Variants in ZNF804A observed in about 807,000 individuals in gnomAD.
ZNF804A encodes the protein zinc finger protein 804A.
In ZNF804A, 2 loss-of-function variants were observed where a neutral mutation model predicts 16.5. The ratio of observed to expected loss-of-function variants is 0.12; its 90% confidence interval spans 0.05 to 0.38. The LOEUF is 0.38. ZNF804A is among the 10% of genes least tolerant of loss of function. The pLI, the probability that ZNF804A is intolerant of heterozygous loss-of-function variation, is 0.99. For missense variants in ZNF804A, 1,473 were observed against 1,390.7 expected, an observed-to-expected ratio of 1.06 and a Z score of -0.94; for synonymous variants, 534 against 489.6, an observed-to-expected ratio of 1.09 and a Z score of -1.20.
intron 1 of ZNF804A, among the ~76,000 whole-genome samples, chr2:184,692,250 T>C (rs138391647): frequency 1.9e-4 from 29 of 152,302 alleles, no homozygotes; most frequent in Non-Finnish European, 4.1e-4. Context: ...ACACACTGAT[T>C]CAGCACTTAG....
chr2:184,651,124 C>T lies in ZNF804A; in HGVS notation c.111+52054C>T, dbSNP rs1691976804. Among the ~76,000 whole-genome samples, 3 of 151,822 alleles carry T rather than the reference C, an allele frequency of 2.0e-5. No homozygotes were observed. The South Asian group carries it at 6.2e-4, about 31-fold the overall frequency. On this transcript the variant is annotated intron_variant, in intron 1 of 3. Coordinates refer to ENST00000302277, the MANE Select transcript of ZNF804A (RefSeq NM_194250.2). ...TAGACCAATGGAATACAATAGAGAACACAGAAAAAAAGCCATACACCTACA... is the reference window on the plus strand; with the variant it reads ...TAGACCAATGGAATACAATAGAGAATACAGAAAAAAAGCCATACACCTACA...
chr2:184,930,180 A>G (rs1001281923), intron 2 of ZNF804A, among the ~76,000 whole-genome samples: 14 of 152,202 alleles, frequency 9.2e-5, no homozygotes, highest in African/African-American at 3.1e-4. Flanking sequence ...TTTAAGAAAT[A>G]AAAGTGACCA....
chr2:184,792,448 T>A (rs186572619), intron 1 of ZNF804A, among the ~76,000 whole-genome samples: 1 of 152,194 alleles, frequency 6.6e-6, no homozygotes, highest in Non-Finnish European at 1.5e-5. Context: ...TTTTTTGCCA[T>A]CTGTTTATCT....
At chr2:184,816,413 A>G (rs557803741) in intron 1 of ZNF804A, among the ~76,000 whole-genome samples, 1 of 152,122 alleles carries the variant, frequency 6.6e-6, no homozygotes, top group African/African-American at 2.4e-5. Context: ...CACTTTCTCC[A>G]TTAGAGAATT....
At chr2:184,932,805 G>A (rs958829290) in intron 2 of ZNF804A, among the ~76,000 whole-genome samples, 7 of 151,970 alleles carry the variant, frequency 4.6e-5, no homozygotes, top group African/African-American at 1.5e-4. Flanking sequence ...CCACACACAC[G>A]GCTATTTATC....
At chr2:184,655,659 T>C (rs1393637113) in intron 1 of ZNF804A, among the ~76,000 whole-genome samples, 1 of 152,186 alleles carries the variant, frequency 6.6e-6, no homozygotes, top group African/African-American at 2.4e-5. Context: ...TGGTTTTATT[T>C]GATAGAATGG....
At chr2:184,924,117 T>C (rs1685573508) in intron 2 of ZNF804A, among the ~76,000 whole-genome samples, 1 of 151,780 alleles carries the variant, frequency 6.6e-6, no homozygotes, top group South Asian at 2.1e-4. Context: ...TCCCTTCTTA[T>C]TTATTTTTTC....
intron 2 of ZNF804A, among the ~76,000 whole-genome samples, chr2:184,920,415 G>A (rs979819928): frequency 1.3e-5 from 2 of 152,152 alleles, no homozygotes; most frequent in African/African-American, 4.8e-5. Context: ...TTTTCCCTGA[G>A]ATATCTGTTT....
intron 1 of ZNF804A, among the ~76,000 whole-genome samples, chr2:184,821,717 GA>G (rs971124800): frequency 2.0e-5 from 3 of 151,704 alleles, no homozygotes; most frequent in Non-Finnish European, 4.4e-5. Context: ...GATTTACAAG[GA>G]AAAGACAAAC....
intron 1 of ZNF804A, among the ~76,000 whole-genome samples, chr2:184,600,563 A>G (rs777045558): frequency 4.6e-5 from 7 of 152,176 alleles, no homozygotes; most frequent in Non-Finnish European, 7.4e-5. Flanking sequence ...TGGGGGAAAA[A>G]CTTTCAGTCT....
chr2:184,908,407 T>C (rs1685310037), intron 2 of ZNF804A, among the ~76,000 whole-genome samples: 1 of 152,170 alleles, frequency 6.6e-6, no homozygotes, highest in African/African-American at 2.4e-5. Context: ...ATTGATTACA[T>C]ACAGCCCAGC....
chr2:184,607,413 C>T (rs1461965284), intron 1 of ZNF804A, among the ~76,000 whole-genome samples: 1 of 152,118 alleles, frequency 6.6e-6, no homozygotes, highest in Admixed American at 6.5e-5. Context: ...AGCAAACACA[C>T]CCTTCTTCAC....
At chr2:184,863,967 GA>G (rs1695836834) in intron 1 of ZNF804A, among the ~76,000 whole-genome samples, 1 of 152,112 alleles carries the variant, frequency 6.6e-6, no homozygotes, top group Non-Finnish European at 1.5e-5. Context: ...AATTTGCTGA[GA>G]AATGGTGCAT....
Position 184,938,783 on chromosome 2 carries a change from A to G in ZNF804A, c.3387A>G (p.Gln1129=), listed in dbSNP as rs200883325. The change falls in exon 4 of 4, where the codon CAA becomes CAG. Residue 1129 remains glutamine, a synonymous_variant. Transcript: ENST00000302277. ...AGTFKVLQPH[Q]QFLSQIPALT... ...CCTTTAAAGTGCTTCAGCCACACCA[A>G]CAGTTTCTTTCCCAAATCCCAGCTC... 1.2e-6 allele frequency: 2 copies of G among 1,613,524 alleles called. No homozygotes were observed. Among genetic ancestry groups the G allele is most frequent in the East Asian group, 2.2e-5 (1 of 44,808 alleles).
intron 1 of ZNF804A, among the ~76,000 whole-genome samples, chr2:184,800,293 T>G (rs1385574986): frequency 6.6e-6 from 1 of 151,988 alleles, no homozygotes; most frequent in Non-Finnish European, 1.5e-5. Context: ...AAATTCTCAT[T>G]GAAGTATTTT....
chr2:184,664,680 C>T (rs951456265), intron 1 of ZNF804A, among the ~76,000 whole-genome samples: 1 of 152,112 alleles, frequency 6.6e-6, no homozygotes, highest in African/African-American at 2.4e-5. Flanking sequence ...AGAAGAATAA[C>T]TTGATACTGT....
intron 2 of ZNF804A, among the ~76,000 whole-genome samples, chr2:184,915,430 A>T (rs951596463): frequency 6.6e-6 from 1 of 152,120 alleles, no homozygotes; most frequent in African/African-American, 2.4e-5. Flanking sequence ...ATATTAAAAA[A>T]TAATAGCATC....
chr2:184,685,223 G>A (rs962431198), intron 1 of ZNF804A, among the ~76,000 whole-genome samples: 3 of 152,138 alleles, frequency 2.0e-5, no homozygotes, highest in Admixed American at 6.5e-5. Context: ...TGTACCACAT[G>A]TGGCTTCTGC....
chr2:184,672,945 T>C (rs1328677343), intron 1 of ZNF804A, among the ~76,000 whole-genome samples: 1 of 152,008 alleles, frequency 6.6e-6, no homozygotes, highest in Middle Eastern at 3.2e-3. Flanking sequence ...TTTCACCATA[T>C]TGACTATTGG....
Sources: allele counts gnomAD v4.1 joint callset (sites outside exome capture counted in the v4.1 genomes callset), GRCh38; gene constraint gnomAD v4.1.1; transcripts MANE v1.5; gene names NCBI Gene and HGNC (gene_info 2026-07-23, HGNC 2026-07-21).